SCRN1: variants seen among roughly 807,000 people sequenced by gnomAD.
SCRN1 encodes the protein secernin-1.
In SCRN1, 19 loss-of-function variants were observed where a neutral mutation model predicts 43.3. The ratio of observed to expected loss-of-function variants is 0.44; its 90% CI spans 0.31 to 0.64. The LOEUF (loss-of-function observed/expected upper bound fraction) is 0.64, where lower values mean the gene tolerates loss of function less well. SCRN1 is among the 30% of genes least tolerant of loss of function. SCRN1 has a pLI of 0.09. For missense variants in SCRN1, 447 were observed against 524.1 expected (o/e 0.85, Z 1.44); for synonymous variants, 183 against 188.9 (o/e 0.97, Z 0.26).
At chr7:29,931,557 G>A (rs141960517) in intron 6 of SCRN1, among the ~76,000 whole-genome samples, 8 of 152,186 alleles carry the variant, frequency 5.3e-5, no homozygotes, top group African/African-American at 1.7e-4. Context: ...TCTTCTGTTA[G>A]TTTTTCCATA....
intron 6 of SCRN1, among the ~76,000 whole-genome samples, chr7:29,931,599 T>C (rs1293800526): frequency 1.4e-4 from 22 of 152,222 alleles, no homozygotes; most frequent in Admixed American, 1.4e-3. Flanking sequence ...AATAAAATAC[T>C]TTTTATGCTT....
chr7:29,936,418 C>T (rs565330585), intron 6 of SCRN1, 138 bp downstream of exon 6: 71 of 658,410 alleles, frequency 1.1e-4, no homozygotes, highest in African/African-American at 7.9e-4. Flanking sequence ...TGCTACACTG[C>T]CCACACTGAA....
chr7:29,981,952 A>G (rs957599769), intron 1 of SCRN1, among the ~76,000 whole-genome samples: 15 of 152,194 alleles, frequency 9.9e-5, no homozygotes, highest in African/African-American at 3.6e-4. Context: ...GAGGCAAAGA[A>G]TAGCGGGAAA....
chr7:29,931,267 A>C (rs899132899), intron 6 of SCRN1, among the ~76,000 whole-genome samples: 2 of 152,276 alleles, frequency 1.3e-5, no homozygotes, highest in African/African-American at 4.8e-5. Context: ...TAATTCTCAA[A>C]GCATCTGCAT....
intron 6 of SCRN1, among the ~76,000 whole-genome samples, chr7:29,927,642 T>C (rs1486102118): frequency 2.0e-5 from 3 of 152,138 alleles, no homozygotes; most frequent in Admixed American, 1.3e-4. Flanking sequence ...ATGTGCCCCA[T>C]ATGTATAGGT....
intron 5 of SCRN1, among the ~76,000 whole-genome samples, chr7:29,937,003 G>A (rs902446252): frequency 2.0e-5 from 3 of 152,156 alleles, no homozygotes; most frequent in African/African-American, 7.2e-5. Context: ...CTGAGATCGC[G>A]TCACTGCACT....
chr7:29,989,539 G>A, intron 1 of SCRN1, 103 bp downstream of exon 1: 3 of 984,702 alleles, frequency 3.0e-6, no homozygotes, highest in Non-Finnish European at 3.6e-6. Context: ...GGTTCGGAGG[G>A]ACAGCGGGAG....
intron 2 of SCRN1, among the ~76,000 whole-genome samples, chr7:29,961,610 C>T (rs1209995903): frequency 2.6e-4 from 40 of 151,564 alleles, no homozygotes; most frequent in Non-Finnish European, 4.1e-4. Context: ...GGGTGGTGGC[C>T]GGGCAGAGGG....
At position 29,940,798 on chromosome 7, in the gene SCRN1, G is replaced by A. The variant is rs1004137281; in HGVS notation, c.623C>T (p.Ala208Val). 5 of 1,607,362 alleles carry A rather than the reference G, an allele frequency of 3.1e-6. No individual in the cohort carries two copies. Among genetic ancestry groups the A allele is most frequent in the Admixed American group, 1.7e-5 (1 of 57,790 alleles). Residue 208 changes from alanine (A) to valine (V), a missense_variant, in exon 5 of 8, where the codon GCT (alanine) becomes GTT (valine). By Grantham distance (64) the Ala-to-Val change is moderately conservative (BLOSUM62 0). Transcript: ENST00000242059. ...TCCCGTCCACCAACCTTGGCTCTGA[G>A]CGTAACTCCTGAGTTCCGGATGCTC... is the stretch of plus-strand genomic sequence containing the variant. ...DAEHPELRSYAQSQGWWTGEG... is the reference protein window; with the variant it reads ...DAEHPELRSYVQSQGWWTGEG...
intron 1 of SCRN1, among the ~76,000 whole-genome samples, chr7:29,969,540 T>C (rs1411562782): frequency 2.0e-5 from 3 of 152,334 alleles, no homozygotes; most frequent in South Asian, 2.1e-4. Context: ...TACAGATCAA[T>C]TGACAGATAC....
chr7:29,955,462 G>A lies in SCRN1; in HGVS notation c.160-102C>T, dbSNP rs149815699. ...AACCATCATATTAGTTACAAACAGA[G>A]CCAAAAAATAAAAGGCCTTGGGAAT... On this transcript the variant is annotated intron_variant, in intron 2 of 7. Coordinates refer to ENST00000242059, the MANE Select transcript of SCRN1 (RefSeq NM_014766.5). The A allele has an allele frequency of 4.1e-4, 478 of 1,156,718 alleles. 4 individuals carry two copies. The East Asian group carries it at 0.011, about 26-fold the overall frequency. 71.7% of individuals were successfully genotyped at this position (1,156,718 alleles called of 1,614,324 possible).
At chr7:29,963,254 C>T (rs11984307) in intron 2 of SCRN1, among the ~76,000 whole-genome samples, 22,849 of 151,950 alleles carry the variant, frequency 0.15, 1,777 homozygotes, top group African/African-American at 0.19. Context: ...GAACCTAGGA[C>T]CCCTCTCTCC....
chr7:29,969,873 T>G (rs1289374265), intron 1 of SCRN1: 1 of 456,482 alleles, frequency 2.2e-6, no homozygotes, highest in East Asian at 6.9e-5. Flanking sequence ...TCTTCCCTTT[T>G]CAAGGTTCTT....
intron 2 of SCRN1, among the ~76,000 whole-genome samples, chr7:29,967,895 G>A (rs570345461): frequency 5.4e-4 from 82 of 152,246 alleles, no homozygotes; most frequent in African/African-American, 1.9e-3. Context: ...GTGAAAGTTT[G>A]ACAACACATT....
At chr7:29,955,450 GT>G in intron 2 of SCRN1, 90 bp from the exon 3 acceptor site, 2 of 1,266,434 alleles carry the variant, frequency 1.6e-6, no homozygotes, top group Non-Finnish European at 2.2e-6. Context: ...CATCATATTA[GT>G]TACAAACAGA....
chr7:29,987,472 G>A (rs1789198051), intron 1 of SCRN1, among the ~76,000 whole-genome samples: 1 of 152,180 alleles, frequency 6.6e-6, no homozygotes. Flanking sequence ...ACAAACACAA[G>A]CAACTCAATT....
intron 6 of SCRN1, among the ~76,000 whole-genome samples, chr7:29,928,474 T>C (rs1419263476): frequency 1.3e-5 from 2 of 152,186 alleles, no homozygotes; most frequent in Non-Finnish European, 2.9e-5. Flanking sequence ...CTAATTTAAT[T>C]TGAGTATTAA....
In SCRN1 at chr7:29,922,440, C is replaced by A. The variant is rs1261414181; in HGVS notation, c.*1517G>T. ...AGGAGTTATTAACCCTGTCACTTCC[C>A]AGATTGCTGATACTCACAATGTTTC... is the stretch of plus-strand genomic sequence containing the variant. On this transcript the variant is annotated 3_prime_UTR_variant, in exon 8 of 8. Coordinates refer to ENST00000242059, the MANE Select transcript of SCRN1 (RefSeq NM_014766.5). 6.6e-6 allele frequency: 1 copy of A among 152,240 alleles called. No homozygotes were observed. Among genetic ancestry groups the A allele is most frequent in the Admixed American group, 6.5e-5 (1 of 15,292 alleles). The allele number at this position is 152,240 out of a possible 1,614,324, so 9.4% of individuals were successfully genotyped here.
intron 2 of SCRN1, among the ~76,000 whole-genome samples, chr7:29,966,161 G>GAC (rs1260581659): frequency 1.0e-3 from 94 of 92,234 alleles, no homozygotes; most frequent in East Asian, 3.3e-3. Context: ...CCGAGAGACA[G>GAC]AGAGAGAGAG....
Sources: allele counts gnomAD v4.1 joint callset (sites outside exome capture counted in the v4.1 genomes callset), GRCh38; gene constraint gnomAD v4.1.1; transcripts MANE v1.5; gene names NCBI Gene and HGNC (gene_info 2026-07-23, HGNC 2026-07-21).